The following SLCO3A1 variants were observed in gnomAD, a reference collection of about 807,000 sequenced individuals.
SLCO3A1 encodes PGE1 transporter.
In SLCO3A1, 27 loss-of-function variants were observed where a neutral mutation model predicts 63.1. The ratio of observed to expected loss-of-function variants is 0.43; its 90% confidence interval spans 0.32 to 0.59. SLCO3A1 has a LOEUF of 0.59. Among genes scored for constraint, SLCO3A1 ranks in the 20% least tolerant of loss-of-function variants. The probability of loss-of-function intolerance (pLI) is 0.09; values close to 1 mark genes in which losing one functional copy is unlikely to be tolerated. For synonymous variants in SLCO3A1, 473 were observed against 409.9 expected, an observed-to-expected ratio of 1.15 and a Z score of -1.86; for missense variants, 773 against 945.8, an observed-to-expected ratio of 0.82 and a Z score of 2.40.
chr15:92,148,506 A>ATACTT (rs1294259379), intron 8 of SLCO3A1, among the ~76,000 whole-genome samples: 10 of 152,336 alleles, frequency 6.6e-5, no homozygotes, highest in African/African-American at 2.4e-4. Context: ...TTACCATTTT[A>ATACTT]TACTTACTAA....
rs191029779 is a variant in SLCO3A1, at chr15:91,951,597, C to T, written c.646+35139C>T. ...TTGAGACAGAGTCTCACTTTGTCAT[C>T]CAGGCTGGAGTGCAGTGGTACAATC... On this transcript the variant is annotated intron_variant, in intron 2 of 9. Transcript: ENST00000318445. Among the ~76,000 whole-genome samples the T allele has an allele frequency of 2.1e-5, 3 of 145,858 alleles. No individual in the cohort carries two copies. The East Asian group carries it at 6.1e-4, about 29-fold the overall frequency.
intron 2 of SLCO3A1, among the ~76,000 whole-genome samples, chr15:91,958,156 T>C (rs145902189): frequency 6.6e-6 from 1 of 152,356 alleles, no homozygotes; most frequent in East Asian, 1.9e-4. Flanking sequence ...ATGCATAGAA[T>C]ATATGTTGAT....
At chr15:92,045,352 A>T (rs1403505077) in intron 2 of SLCO3A1, among the ~76,000 whole-genome samples, 1 of 152,160 alleles carries the variant, frequency 6.6e-6, no homozygotes, top group Non-Finnish European at 1.5e-5. Flanking sequence ...ACAGAAAAGC[A>T]TACACAAGAG....
intron 2 of SLCO3A1, among the ~76,000 whole-genome samples, chr15:92,074,407 A>T (rs535499625): frequency 1.3e-5 from 2 of 152,264 alleles, no homozygotes; most frequent in East Asian, 3.9e-4. Flanking sequence ...CAGAACCAGA[A>T]GTGATCTTCC....
rs1458118215 is a variant in SLCO3A1 at position 91,863,840 on chromosome 15, A to G, written c.180+9752A>G. Among the ~76,000 whole-genome samples, 2 of 152,126 alleles carry G rather than the reference A, an allele frequency of 1.3e-5. No homozygotes were observed. Among genetic ancestry groups the G allele is most frequent in the Non-Finnish European group, 2.9e-5 (2 of 68,012 alleles). On this transcript the variant is annotated intron_variant, in intron 1 of 9. Coordinates refer to ENST00000318445, the MANE Select transcript of SLCO3A1 (RefSeq NM_013272.4). This position sits in a 1 kb window ranked among gnomAD's most constrained non-coding sequence, Gnocchi z 4.3. ...TGTCGCCTCCCCAGTGCTGGTACATACTTTGTAGGTTGGGAGGCTTAACAT... is the reference window on the plus strand; with the variant it reads ...TGTCGCCTCCCCAGTGCTGGTACATGCTTTGTAGGTTGGGAGGCTTAACAT...
At chr15:92,151,748 TAG>T (rs1157700159) in intron 9 of SLCO3A1, among the ~76,000 whole-genome samples, 2 of 152,188 alleles carry the variant, frequency 1.3e-5, no homozygotes, top group Admixed American at 6.5e-5. Flanking sequence ...CCTTGAATAA[TAG>T]GACAGTCACC....
intron 2 of SLCO3A1, among the ~76,000 whole-genome samples, chr15:92,070,094 G>T (rs1430324763): frequency 6.6e-6 from 1 of 152,196 alleles, no homozygotes; most frequent in Non-Finnish European, 1.5e-5. Context: ...CGGAGGCAGG[G>T]TGGAAAGAAA....
chr15:92,044,165 G>C (rs2046832223), intron 2 of SLCO3A1, among the ~76,000 whole-genome samples: 1 of 151,946 alleles, frequency 6.6e-6, no homozygotes. Flanking sequence ...CCTTCCCGGG[G>C]ACACTCTCCT....
Position 91,916,406 on chromosome 15 carries a change from C to T in SLCO3A1, c.594C>T (p.Gly198=), listed in dbSNP as rs747564696. 5.6e-6 allele frequency: 9 copies of T among 1,612,776 alleles called. No individual in the cohort carries two copies. In the Admixed American group the frequency reaches 8.3e-5, roughly 15 times the overall value. The stretch of plus-strand genomic sequence containing the variant: ...GTGCTACCCCTGTGCAGCCCCTGGG[C>T]GTCTCCTACATCGACGACCACGTGC... ...GIGATPVQPL[G]VSYIDDHVRR... The change falls in exon 2 of 10, where the codon GGC becomes GGT. Residue 198 remains glycine (G), a synonymous_variant. Transcript: ENST00000318445. This position sits in a 1 kb window ranked among gnomAD's most constrained non-coding sequence, Gnocchi z 6.2.
chr15:92,081,605 C>T (rs1042680224), intron 2 of SLCO3A1, among the ~76,000 whole-genome samples: 1 of 152,150 alleles, frequency 6.6e-6, no homozygotes, highest in South Asian at 2.1e-4. Flanking sequence ...TGACCTCAGG[C>T]GATCTGCCCA....
chr15:91,895,023 G>C (rs1164888011), intron 1 of SLCO3A1, among the ~76,000 whole-genome samples: 3 of 152,138 alleles, frequency 2.0e-5, no homozygotes, highest in Admixed American at 2.0e-4. Context: ...CTGCTTTTTT[G>C]TTTGTCCTTT....
At chr15:92,157,585 G>T (rs1050538020) in intron 9 of SLCO3A1, among the ~76,000 whole-genome samples, 1 of 151,684 alleles carries the variant, frequency 6.6e-6, no homozygotes, top group African/African-American at 2.4e-5. Flanking sequence ...CTGCCTCCCA[G>T]GTTCAAGCGA....
At chr15:91,861,801 T>C (rs1897054498) in intron 1 of SLCO3A1, among the ~76,000 whole-genome samples, 1 of 151,748 alleles carries the variant, frequency 6.6e-6, no homozygotes, top group Non-Finnish European at 1.5e-5. Flanking sequence ...TTTTCTTATT[T>C]TTTTTTTTGG....
intron 2 of SLCO3A1, among the ~76,000 whole-genome samples, chr15:92,029,469 T>C (rs1228617538): frequency 1.3e-5 from 2 of 152,232 alleles, no homozygotes; most frequent in Admixed American, 6.5e-5. Flanking sequence ...ATCTTTTACC[T>C]ACTTAAACGT....
chr15:92,127,066 C>T (rs1223389956), intron 6 of SLCO3A1, among the ~76,000 whole-genome samples: 2 of 152,220 alleles, frequency 1.3e-5, no homozygotes, highest in Non-Finnish European at 1.5e-5. Context: ...CAAGGGTGAG[C>T]AGGCAGAGTG....
intron 2 of SLCO3A1, among the ~76,000 whole-genome samples, chr15:91,985,006 G>C (rs1050016497): frequency 2.0e-5 from 3 of 151,924 alleles, no homozygotes; most frequent in Non-Finnish European, 4.4e-5. Flanking sequence ...CTTCATCTCA[G>C]ATCATAAGTG....
At chr15:91,992,848 A>G (rs1219332717) in intron 2 of SLCO3A1, among the ~76,000 whole-genome samples, 1 of 152,152 alleles carries the variant, frequency 6.6e-6, no homozygotes, top group Non-Finnish European at 1.5e-5. Context: ...TTGAACTGTC[A>G]ACATTATTGG....
chr15:92,061,428 C>G (rs553910045), intron 2 of SLCO3A1, among the ~76,000 whole-genome samples: 2 of 152,316 alleles, frequency 1.3e-5, no homozygotes, highest in African/African-American at 4.8e-5. Flanking sequence ...CTCTCCACTC[C>G]CCACTGGCAT....
intron 4 of SLCO3A1, among the ~76,000 whole-genome samples, chr15:92,111,219 C>T (rs977474133): frequency 2.6e-5 from 4 of 152,234 alleles, no homozygotes; most frequent in African/African-American, 4.8e-5. Flanking sequence ...GGCCTGGCCA[C>T]AGGACCCACT....
Sources: gnomAD v4.1 joint callset for allele counts (sites outside exome capture counted in the v4.1 genomes callset) on GRCh38, gnomAD v4.1.1 for gene constraint, Gnocchi (gnomAD v3.1) non-coding constraint, MANE v1.5 for transcripts, NCBI Gene and HGNC (gene_info 2026-07-23, HGNC 2026-07-21) for gene names.